Variants in SCGB2B2 observed in about 807,000 individuals in gnomAD.
The protein encoded by SCGB2B2 is secretoglobin-like protein.
SCGB2B2 carries 11 observed loss-of-function variants against 7.6 expected under a neutral mutation model. The ratio of observed to expected loss-of-function variants is 1.45; its 90% CI spans 0.91 to 2.40. The LOEUF (loss-of-function observed/expected upper bound fraction) is 2.40, where lower values mean the gene tolerates loss of function less well. Ranked by LOEUF, SCGB2B2 falls within the 30% of genes most tolerant of loss-of-function variation. The probability of loss-of-function intolerance (pLI) is 0.00; values close to 1 mark genes in which losing one functional copy is unlikely to be tolerated. For missense variants in SCGB2B2, 104 were observed against 115.4 expected (o/e 0.90, Z 0.45); for synonymous variants, 50 against 48.6 (o/e 1.03, Z -0.12).
chr19:34,675,389 A>AGGATACACC (rs1184016679), intron 1 of SCGB2B2, among the ~76,000 whole-genome samples: 1 of 152,120 alleles, frequency 6.6e-6, no homozygotes, highest in African/African-American at 2.4e-5. Flanking sequence ...CCACACCCAC[A>AGGATACACC]GGATACACCA....
chr19:34,612,190 C>T lies in SCGB2B2; in HGVS notation c.-2031-15596G>A, dbSNP rs180796250. Among the ~76,000 whole-genome samples, 283 of 151,446 alleles carry T rather than the reference C, an allele frequency of 1.9e-3. 1 individual carries two copies. The highest frequency in any genetic ancestry group is 4.3e-4 in the Non-Finnish European group (29 of 67,832). On this transcript the variant is annotated intron_variant, in intron 1 of 3. Coordinates refer to ENST00000601241, the MANE Select transcript of SCGB2B2 (RefSeq NM_001025591.4). The stretch of plus-strand genomic sequence containing the variant: ...AGTAGCTGGGCCTACAGGCATGCAC[C>T]ACCACACCTGGCTAATTTTTTGTAT...
At chr19:34,674,947 C>T (rs1486202726) in intron 1 of SCGB2B2, among the ~76,000 whole-genome samples, 1 of 152,066 alleles carries the variant, frequency 6.6e-6, no homozygotes, top group Non-Finnish European at 1.5e-5. Flanking sequence ...TCATTTTTTC[C>T]TATGTCTCTT....
chr19:34,652,561 C>T (rs140662725), intron 1 of SCGB2B2, among the ~76,000 whole-genome samples: 10 of 151,118 alleles, frequency 6.6e-5, no homozygotes, highest in Admixed American at 4.6e-4. Flanking sequence ...AGATCTGGCA[C>T]GTTCAGGGTG....
At chr19:34,629,353 T>C (rs914706610) in intron 1 of SCGB2B2, among the ~76,000 whole-genome samples, 3 of 152,016 alleles carry the variant, frequency 2.0e-5, no homozygotes, top group Non-Finnish European at 2.9e-5. Flanking sequence ...GATGACATGA[T>C]TGTACATTTA....
intron 1 of SCGB2B2, among the ~76,000 whole-genome samples, chr19:34,661,702 G>A (rs1412484443): frequency 1.3e-5 from 2 of 152,112 alleles, no homozygotes; most frequent in Non-Finnish European, 2.9e-5. Flanking sequence ...ATGGAATAAG[G>A]GCCATCTTCT....
At chr19:34,637,086 C>T (rs981911915) in intron 1 of SCGB2B2, among the ~76,000 whole-genome samples, 1 of 152,278 alleles carries the variant, frequency 6.6e-6, no homozygotes, top group East Asian at 1.9e-4. Context: ...AAATAGTAAC[C>T]ACATTGGTCC....
chr19:34,640,472 G>A (rs879846227), intron 1 of SCGB2B2: 6 of 151,858 alleles, frequency 4.0e-5, no homozygotes, highest in Non-Finnish European at 8.8e-5. Flanking sequence ...ACTGAGTGCT[G>A]TATCTACACT....
In SCGB2B2 at chr19:34,676,797, G is replaced by C. The variant is rs2067969574; in HGVS notation, c.-3199C>G. The C allele has an allele frequency of 6.6e-6, 1 of 152,176 alleles. No individual in the cohort carries two copies. 9.4% of individuals were successfully genotyped at this position (152,176 alleles called of 1,614,324 possible). The stretch of plus-strand genomic sequence containing the variant: ...GATTGAAGTCAATTAACATTTAAGT[G>C]TTAAAAAGAAAGTAAACAACCCAAA... On this transcript the variant is annotated 5_prime_UTR_variant, in exon 1 of 4. Transcript: ENST00000601241.
At chr19:34,588,614 T>C (rs1041940502), downstream of SCGB2B2, among the ~76,000 whole-genome samples, 1 of 152,188 alleles carries the variant, frequency 6.6e-6, no homozygotes, top group East Asian at 1.9e-4. Flanking sequence ...CCCCAGGGCT[T>C]GCCACCCCAC....
rs577667858 is a variant in SCGB2B2 at position 34,626,853 on chromosome 19, A to C, written c.-2031-30259T>G. Reference sequence around the variant, plus strand: ...GAAGGAAAAAATGTTAAGGGTAGCCAGAGAGAAAGGTCGGGTTACCCACAA... The same window carrying C: ...GAAGGAAAAAATGTTAAGGGTAGCCCGAGAGAAAGGTCGGGTTACCCACAA... On this transcript the variant is annotated intron_variant, in intron 1 of 3. Transcript: ENST00000601241. Among the ~76,000 whole-genome samples the C allele has an allele frequency of 2.6e-5, 4 of 152,370 alleles. No homozygotes were observed. In the East Asian group the frequency reaches 7.7e-4, roughly 29 times the overall value.
intron 1 of SCGB2B2, among the ~76,000 whole-genome samples, chr19:34,639,352 A>G (rs1014715009): frequency 7.2e-5 from 11 of 152,242 alleles, no homozygotes; most frequent in Non-Finnish European, 1.2e-4. Flanking sequence ...CACTTGCTGG[A>G]AACAATATCC....
downstream of SCGB2B2, among the ~76,000 whole-genome samples, chr19:34,587,899 C>G (rs1211502859): frequency 6.6e-6 from 1 of 152,190 alleles, no homozygotes; most frequent in African/African-American, 2.4e-5. Context: ...TAGGAATGAT[C>G]ACTTTGATGT....
chr19:34,603,568 T>A (rs953754313), intron 1 of SCGB2B2, among the ~76,000 whole-genome samples: 1 of 152,088 alleles, frequency 6.6e-6, no homozygotes, highest in Non-Finnish European at 1.5e-5. Context: ...CTAAGTCCAT[T>A]CTAAGGAGGC....
At chr19:34,661,305 TA>T (rs959939021) in intron 1 of SCGB2B2, among the ~76,000 whole-genome samples, 9 of 151,528 alleles carry the variant, frequency 5.9e-5, no homozygotes, top group East Asian at 1.9e-4. Context: ...GCAATGACAT[TA>T]AAAAAAAGAA....
chr19:34,641,244 CT>C (rs972017627), intron 1 of SCGB2B2, among the ~76,000 whole-genome samples: 1 of 152,136 alleles, frequency 6.6e-6, no homozygotes, highest in African/African-American at 2.4e-5. Context: ...AATAGTCCCC[CT>C]GGTGCACTGT....
intron 1 of SCGB2B2, among the ~76,000 whole-genome samples, chr19:34,605,928 A>T (rs2065764002): frequency 6.6e-6 from 1 of 152,054 alleles, no homozygotes; most frequent in Middle Eastern, 3.4e-3. Context: ...ATGTATCTTT[A>T]TTAATATTCA....
At chr19:34,644,350 G>GTTTTTTTTTTTTTTTTTTTTTTTTTTT (rs76842372) in intron 1 of SCGB2B2, among the ~76,000 whole-genome samples, 1 of 120,730 alleles carries the variant, frequency 8.3e-6, no homozygotes, top group Non-Finnish European at 1.8e-5. Context: ...TTGTTTTTTT[G>GTTTTTTTTTTTTTTTTTTTTTTTTTTT]TTTTTTTTTT....
chr19:34,668,894 G>A (rs889067599), intron 1 of SCGB2B2, among the ~76,000 whole-genome samples: 23 of 152,142 alleles, frequency 1.5e-4, no homozygotes, highest in Non-Finnish European at 4.4e-5. Context: ...CAATCACCAG[G>A]ATGTGGGTGG....
At chr19:34,650,630 A>G (rs1284407755) in intron 1 of SCGB2B2, among the ~76,000 whole-genome samples, 2 of 151,392 alleles carry the variant, frequency 1.3e-5, no homozygotes, top group Non-Finnish European at 2.9e-5. Context: ...CCTATCACAG[A>G]AAAGTCTAGA....
Sources: allele counts gnomAD v4.1 joint callset (sites outside exome capture counted in the v4.1 genomes callset), GRCh38; gene constraint gnomAD v4.1.1; transcripts MANE v1.5; gene names NCBI Gene and HGNC (gene_info 2026-07-23, HGNC 2026-07-21).